SYNE1: variants seen among roughly 807,000 people sequenced by gnomAD.
The protein encoded by SYNE1 is nesprin-1.
SYNE1 carries 616 observed loss-of-function variants against 1,111.0 expected under a neutral mutation model. That is an observed-to-expected ratio of 0.55 (90% confidence interval 0.52 to 0.59). The LOEUF (loss-of-function observed/expected upper bound fraction) is 0.59. SYNE1 is among the 20% of genes least tolerant of loss of function. The pLI, the probability that SYNE1 is intolerant of heterozygous loss-of-function variation, is 0.00. For missense variants in SYNE1, 10,006 were observed against 10,417.0 expected (o/e 0.96, Z 1.72); for synonymous variants, 3,855 against 3,825.8 (o/e 1.01, Z -0.28).
intron 98 of SYNE1, among the ~76,000 whole-genome samples, chr6:152,272,970 C>T (rs2093320326): frequency 1.3e-5 from 2 of 152,060 alleles, no homozygotes; most frequent in African/African-American, 2.4e-5. Flanking sequence ...CTTTTCTTCC[C>T]ACAGATGGAA....
chr6:152,141,211 T>C lies in SYNE1; in HGVS notation c.25238A>G (p.Gln8413Arg). Reference sequence around the variant, plus strand: ...GGATGCTACGCACTCACCAGCCGTTTGGGTTTCGGTACTATGCAGGTTAAC... The same window carrying C: ...GGATGCTACGCACTCACCAGCCGTTCGGGTTTCGGTACTATGCAGGTTAAC... ...GFVNLHSTET[Q>R]TAGVIDRWEL... Residue 8413 changes from glutamine to arginine, a missense_variant, in exon 139 of 146, where the codon CAA becomes CGA. Transcript: ENST00000367255. The C allele has an allele frequency of 6.2e-7, 1 of 1,614,160 alleles. No homozygotes were observed. Among genetic ancestry groups the C allele is most frequent in the African/African-American group, 1.3e-5 (1 of 75,062 alleles).
chr6:152,570,224 A>C (rs2099443025), intron 3 of SYNE1, among the ~76,000 whole-genome samples: 1 of 152,140 alleles, frequency 6.6e-6, no homozygotes, highest in South Asian at 2.1e-4. Context: ...GCACCAAGCT[A>C]TATAAAAGTT....
At chr6:152,483,004 C>A in intron 14 of SYNE1, 81 bp downstream of exon 14, 1 of 1,510,316 alleles carries the variant, frequency 6.6e-7, no homozygotes, top group African/African-American at 1.4e-5. Context: ...GCGTCCCCGC[C>A]AGAGCAGGTT....
intron 137 of SYNE1, chr6:152,145,565 A>C: frequency 6.2e-7 from 1 of 1,613,496 alleles, no homozygotes; most frequent in Non-Finnish European, 8.5e-7. Context: ...TCTGCAAAAA[A>C]AGCACAGTCT....
At chr6:152,512,819 T>A (rs180832929) in intron 6 of SYNE1, among the ~76,000 whole-genome samples, 9 of 152,346 alleles carry the variant, frequency 5.9e-5, no homozygotes, top group Admixed American at 5.9e-4. Context: ...TGCAAAATCC[T>A]ATTGAACTTA....
intron 78 of SYNE1, among the ~76,000 whole-genome samples, chr6:152,328,344 T>C (rs2096138528): frequency 6.6e-6 from 1 of 151,932 alleles, no homozygotes; most frequent in South Asian, 2.1e-4. Flanking sequence ...TTAAAGGAAG[T>C]AATCCTCTAG....
rs371643401 is a variant in SYNE1 at position 152,455,867 on chromosome 6, A to G, written c.2727+19T>C. On this transcript the variant is annotated intron_variant, in intron 23 of 145. Transcript: ENST00000367255. ...CATTTTCCCTGGCTCACAGCTCTAAAGCAGGGAGAGCAAATTACCTGAAAA... is the reference window on the plus strand; with the variant it reads ...CATTTTCCCTGGCTCACAGCTCTAAGGCAGGGAGAGCAAATTACCTGAAAA... 5 of 1,613,966 alleles carry G rather than the reference A, an allele frequency of 3.1e-6. No individual in the cohort carries two copies. The highest frequency in any genetic ancestry group is 4.2e-6 in the Non-Finnish European group (5 of 1,179,916).
intron 144 of SYNE1, 86 bp downstream of exon 144, chr6:152,132,036 C>A: frequency 3.9e-6 from 5 of 1,281,994 alleles, no homozygotes; most frequent in Non-Finnish European, 4.5e-6. Flanking sequence ...GGACGCCTGC[C>A]TGTGAACCCT....
chr6:152,422,779 G>A (rs1180423791), intron 39 of SYNE1, among the ~76,000 whole-genome samples: 1 of 152,208 alleles, frequency 6.6e-6, no homozygotes, highest in Non-Finnish European at 1.5e-5. Flanking sequence ...AAAACTCTGG[G>A]ATTATGGGCA....
At position 152,628,500 on chromosome 6, in the gene SYNE1, C is replaced by T. The variant is rs190227191; in HGVS notation, c.-169G>A. The T allele has an allele frequency of 3.7e-5, 25 of 678,456 alleles. No individual in the cohort carries two copies. The highest frequency in any genetic ancestry group is 3.4e-4 in the African/African-American group (19 of 55,610). The allele number at this position is 678,456 out of a possible 1,614,324, so 42.0% of individuals were successfully genotyped here. ...GGAGGCAGCTCTCCCAAAGACTGAA[C>T]TGCTTCTTTTTCTTCTTCCGTTTTA... On this transcript the variant is annotated 5_prime_UTR_variant, in exon 3 of 146. Coordinates refer to ENST00000367255, the MANE Select transcript of SYNE1 (RefSeq NM_182961.4).
chr6:152,211,704 G>T, intron 123 of SYNE1, 116 bp from the exon 124 acceptor site: 1 of 807,726 alleles, frequency 1.2e-6, no homozygotes, highest in South Asian at 1.5e-5. Flanking sequence ...ATCACCAGCT[G>T]AACCAGAAAA....
intron 11 of SYNE1, among the ~76,000 whole-genome samples, chr6:152,497,017 A>C (rs1474835447): frequency 2.6e-5 from 4 of 151,550 alleles, no homozygotes; most frequent in Non-Finnish European, 5.9e-5. Flanking sequence ...GTAATTTTCC[A>C]CTACCCACCC....
At chr6:152,311,904 C>T (rs1962702) in intron 87 of SYNE1, among the ~76,000 whole-genome samples, 125,084 of 152,058 alleles carry the variant, frequency 0.82, 51,576 homozygotes, top group East Asian at 0.92. Flanking sequence ...GCCCCCCGAG[C>T]AGCTGGGACT....
At chr6:152,488,565 A>T in intron 11 of SYNE1, 62 bp from the exon 12 acceptor site, 1 of 910,500 alleles carries the variant, frequency 1.1e-6, no homozygotes. Flanking sequence ...TTGCTGATTA[A>T]TACTTGACTG....
intron 59 of SYNE1, 78 bp from the exon 60 acceptor site, chr6:152,369,692 G>T (rs948060007): frequency 6.4e-7 from 1 of 1,557,854 alleles, no homozygotes; most frequent in Non-Finnish European, 8.7e-7. Flanking sequence ...GGCATTCAAA[G>T]TCCACCCAGG....
chr6:152,629,386 A>G (rs949840065), intron 2 of SYNE1, among the ~76,000 whole-genome samples: 2 of 151,586 alleles, frequency 1.3e-5, no homozygotes, highest in African/African-American at 2.4e-5. Flanking sequence ...TGTGTTTTTT[A>G]GTAGAGACGG....
intron 118 of SYNE1, 81 bp downstream of exon 118, chr6:152,221,345 A>C: frequency 6.5e-7 from 1 of 1,542,842 alleles, no homozygotes; most frequent in Non-Finnish European, 8.9e-7. Flanking sequence ...GCTCAAATTC[A>C]AACTGTCATT....
chr6:152,337,964 A>G (rs978766484), intron 75 of SYNE1, among the ~76,000 whole-genome samples: 1 of 152,116 alleles, frequency 6.6e-6, no homozygotes, highest in Non-Finnish European at 1.5e-5. Context: ...CCTGGGCAAC[A>G]CAGTGAAACC....
At chr6:152,175,024 T>C (rs991018966) in intron 130 of SYNE1, among the ~76,000 whole-genome samples, 1 of 151,876 alleles carries the variant, frequency 6.6e-6, no homozygotes, top group African/African-American at 2.4e-5. Context: ...TGAAACCCCA[T>C]CTCTACTAAA....
Sources: allele counts gnomAD v4.1 joint callset (sites outside exome capture counted in the v4.1 genomes callset), GRCh38; gene constraint gnomAD v4.1.1; transcripts MANE v1.5; gene names NCBI Gene and HGNC (gene_info 2026-07-23, HGNC 2026-07-21).